Variants in LRRC4C observed in about 807,000 individuals in gnomAD.
The protein encoded by LRRC4C is leucine rich repeat containing 4C, also known as leucine-rich repeat-containing protein 4C.
Under a neutral mutation model 33.6 loss-of-function variants are expected in LRRC4C, and 5 were observed. That is an observed-to-expected ratio of 0.15 (90% CI 0.08 to 0.31). The LOEUF (loss-of-function observed/expected upper bound fraction) is 0.31, where lower values mean the gene tolerates loss of function less well. LRRC4C is among the 10% of genes least tolerant of loss of function. The pLI is 1.00. For synonymous variants in LRRC4C, 329 were observed against 302.0 expected, an observed-to-expected ratio of 1.09 and a Z score of -0.93; for missense variants, 560 against 796.7, an observed-to-expected ratio of 0.70 and a Z score of 3.58.
intron 1 of LRRC4C, among the ~76,000 whole-genome samples, chr11:41,173,272 A>C (rs2136107042): frequency 6.6e-6 from 1 of 152,282 alleles, no homozygotes; most frequent in South Asian, 2.1e-4. Flanking sequence ...TTTGTAGACT[A>C]GCTAACATGA....
intron 1 of LRRC4C, among the ~76,000 whole-genome samples, chr11:41,123,650 C>A (rs1273602522): frequency 6.6e-6 from 1 of 150,964 alleles, no homozygotes; most frequent in African/African-American, 2.4e-5. Flanking sequence ...TTAATTCATT[C>A]TTTCCCAGCT....
chr11:41,405,210 AT>A (rs1349225358), intron 1 of LRRC4C, among the ~76,000 whole-genome samples: 1 of 152,140 alleles, frequency 6.6e-6, no homozygotes, highest in Non-Finnish European at 1.5e-5. Context: ...CATTTAAAAT[AT>A]TTTATCACTG....
chr11:40,302,480 A>G (rs1944821291), intron 4 of LRRC4C, among the ~76,000 whole-genome samples: 2 of 152,084 alleles, frequency 1.3e-5, no homozygotes, highest in African/African-American at 4.8e-5. Flanking sequence ...AGAATGGTAA[A>G]ATTACGATTA....
intron 3 of LRRC4C, among the ~76,000 whole-genome samples, chr11:40,356,590 C>T (rs1947682814): frequency 6.6e-6 from 1 of 152,100 alleles, no homozygotes; most frequent in Non-Finnish European, 1.5e-5. Flanking sequence ...TAGGTGATCT[C>T]ATTCTATTGA....
intron 1 of LRRC4C, among the ~76,000 whole-genome samples, chr11:41,316,728 T>C (rs1218720147): frequency 6.6e-6 from 1 of 152,220 alleles, no homozygotes; most frequent in Non-Finnish European, 1.5e-5. Flanking sequence ...AGAAAAGCTA[T>C]TGCTAATTCA....
At chr11:41,239,828 G>A (rs766441742) in intron 1 of LRRC4C, among the ~76,000 whole-genome samples, 2 of 151,978 alleles carry the variant, frequency 1.3e-5, no homozygotes, top group Non-Finnish European at 1.5e-5. Flanking sequence ...AATTTTTGTC[G>A]ATTTTGTGAA....
chr11:40,188,342 A>C (rs1034285684), intron 5 of LRRC4C, among the ~76,000 whole-genome samples: 4 of 152,206 alleles, frequency 2.6e-5, no homozygotes, highest in Non-Finnish European at 4.4e-5. Context: ...TAAACATATG[A>C]CTACAGAGGA....
intron 5 of LRRC4C, among the ~76,000 whole-genome samples, chr11:40,233,085 T>C (rs1019009778): frequency 2.0e-5 from 3 of 152,206 alleles, no homozygotes; most frequent in Admixed American, 2.0e-4. Flanking sequence ...CTTTTAAAAA[T>C]CCCTTTATTT....
intron 1 of LRRC4C, among the ~76,000 whole-genome samples, chr11:41,144,935 T>C (rs2135931490): frequency 6.6e-6 from 1 of 152,306 alleles, no homozygotes; most frequent in South Asian, 2.1e-4. Context: ...AGATGCAGAT[T>C]GCCTAGTTTC....
chr11:40,501,660 T>A (rs1167050031), intron 3 of LRRC4C, among the ~76,000 whole-genome samples: 3 of 152,114 alleles, frequency 2.0e-5, no homozygotes, highest in Non-Finnish European at 4.4e-5. Context: ...GTCCCTAGAC[T>A]GCACACAGCA....
At chr11:40,961,358 C>A (rs10768655) in intron 1 of LRRC4C, among the ~76,000 whole-genome samples, 35,086 of 151,416 alleles carry the variant, frequency 0.23, 4,437 homozygotes, top group Middle Eastern at 0.32. Flanking sequence ...TACCAGGAAG[C>A]AAGAAGGGCT....
intron 1 of LRRC4C, among the ~76,000 whole-genome samples, chr11:41,129,584 A>G (rs1395960107): frequency 2.6e-5 from 4 of 152,064 alleles, no homozygotes; most frequent in South Asian, 4.1e-4. Flanking sequence ...CTTCAATAGT[A>G]ATTTTATCTG....
At chr11:40,620,058 GA>G (rs11344920) in intron 3 of LRRC4C, among the ~76,000 whole-genome samples, 56,565 of 133,438 alleles carry the variant, frequency 0.42, 12,188 homozygotes, top group East Asian at 0.72. Flanking sequence ...AAAAATACCT[GA>G]AAAAAAAAAA....
At chr11:40,457,116 GAAAA>G (rs375831185) in intron 3 of LRRC4C, among the ~76,000 whole-genome samples, 3 of 123,942 alleles carry the variant, frequency 2.4e-5, no homozygotes, top group Admixed American at 8.0e-5. Context: ...AAAAAAAAAA[GAAAA>G]AAAAAACAGT....
chr11:41,198,498 T>C (rs879517686), intron 1 of LRRC4C, among the ~76,000 whole-genome samples: 2 of 152,004 alleles, frequency 1.3e-5, no homozygotes, highest in Non-Finnish European at 2.9e-5. Flanking sequence ...AGCTTTTGCT[T>C]TGAGGAGGGA....
chr11:41,325,786 A>C (rs79761151), intron 1 of LRRC4C, among the ~76,000 whole-genome samples: 3,178 of 152,166 alleles, frequency 0.021, 102 homozygotes, highest in African/African-American at 0.074. Context: ...CCCAATTTTT[A>C]GTATATGCAT....
intron 3 of LRRC4C, among the ~76,000 whole-genome samples, chr11:40,500,044 A>C (rs1340223081): frequency 6.6e-6 from 1 of 152,046 alleles, no homozygotes; most frequent in Non-Finnish European, 1.5e-5. Flanking sequence ...TTAGAATGGA[A>C]ATATCTGCAA....
At chr11:40,561,699 AC>A (rs1268857763) in intron 3 of LRRC4C, among the ~76,000 whole-genome samples, 9 of 152,250 alleles carry the variant, frequency 5.9e-5, no homozygotes, top group African/African-American at 2.2e-4. Context: ...GGCATGAGCC[AC>A]CGCGCCCGGC....
intron 1 of LRRC4C, among the ~76,000 whole-genome samples, chr11:40,964,497 T>C (rs1851198225): frequency 6.7e-6 from 1 of 150,374 alleles, no homozygotes; most frequent in African/African-American, 2.4e-5. Context: ...ATTAGGTATA[T>C]CTCCTAATGC....
Sources: gnomAD v4.1 joint callset for allele counts (sites outside exome capture counted in the v4.1 genomes callset) on GRCh38, gnomAD v4.1.1 for gene constraint, MANE v1.5 for transcripts, NCBI Gene and HGNC (gene_info 2026-07-23, HGNC 2026-07-21) for gene names.